FAT3: variants seen among roughly 807,000 people sequenced by gnomAD.
The protein encoded by FAT3 is FAT atypical cadherin 3.
Under a neutral mutation model 310.2 loss-of-function variants are expected in FAT3, and 95 were observed. That is an observed-to-expected ratio of 0.31 (90% CI 0.26 to 0.36). The LOEUF (loss-of-function observed/expected upper bound fraction) is 0.36. Ranked by LOEUF, FAT3 falls within the 10% of genes least tolerant of loss-of-function variation. FAT3 has a pLI of 1.00. For synonymous variants in FAT3, 2,314 were observed against 2,192.9 expected (o/e 1.06, Z -1.54); for missense variants, 5,408 against 5,715.6 (o/e 0.95, Z 1.74).
chr11:92,353,929 A>ATGAACT lies in FAT3; in HGVS notation c.1826_1831dup (p.Glu609_Leu610dup). ...ACAGCAGTCTCAGCGATCGATATCG[A>ATGAACT]TGAACTTGAACTTGTAAAGTACAAA... is the stretch of plus-strand genomic sequence containing the variant. On this transcript the variant is annotated inframe_insertion, in exon 2 of 28. Coordinates refer to ENST00000525166, the MANE Select transcript of FAT3 (RefSeq NM_001367949.2). 6.2e-7 allele frequency: 1 copy of ATGAACT among 1,611,774 alleles called. No individual in the cohort carries two copies. The highest frequency in any genetic ancestry group is 1.1e-5 in the South Asian group (1 of 91,062).
chr11:92,826,298 A>G (rs528926914), intron 13 of FAT3, among the ~76,000 whole-genome samples: 1 of 152,364 alleles, frequency 6.6e-6, no homozygotes, highest in Non-Finnish European at 1.5e-5. Flanking sequence ...TACAGTTTAA[A>G]TAAGAGCATG....
intron 3 of FAT3, among the ~76,000 whole-genome samples, chr11:92,687,428 C>G (rs1199659375): frequency 2.0e-5 from 3 of 152,172 alleles, no homozygotes; most frequent in Non-Finnish European, 4.4e-5. Flanking sequence ...CACAACTTCT[C>G]TGTCAGATTC....
At chr11:92,278,946 C>T (rs896099165) in intron 1 of FAT3, among the ~76,000 whole-genome samples, 7 of 152,018 alleles carry the variant, frequency 4.6e-5, no homozygotes, top group African/African-American at 1.7e-4. Context: ...GGCTTCTCCT[C>T]CTCTGGTGGT....
intron 22 of FAT3, among the ~76,000 whole-genome samples, chr11:92,870,810 G>A (rs1449058213): frequency 6.6e-6 from 1 of 152,158 alleles, no homozygotes; most frequent in South Asian, 2.1e-4. Context: ...AAGAGCTACC[G>A]CTTGTTAGAC....
intron 3 of FAT3, among the ~76,000 whole-genome samples, chr11:92,645,068 A>T (rs1791546): frequency 0.57 from 87,434 of 152,096 alleles, 26,874 homozygotes; most frequent in African/African-American, 0.8. Context: ...TGCATTTTAT[A>T]TACTTCAGTC....
intron 1 of FAT3, among the ~76,000 whole-genome samples, chr11:92,265,015 A>G (rs1945894267): frequency 6.6e-6 from 1 of 152,018 alleles, no homozygotes; most frequent in South Asian, 2.1e-4. Flanking sequence ...AGCACTCAGT[A>G]AAGGAAAAAA....
At chr11:92,740,264 C>T (rs1430127361) in intron 4 of FAT3, among the ~76,000 whole-genome samples, 1 of 152,154 alleles carries the variant, frequency 6.6e-6, no homozygotes, top group African/African-American at 2.4e-5. Context: ...GGCAAAAAGA[C>T]TATTTCTAGA....
At chr11:92,551,692 AC>A (rs1954829351) in intron 3 of FAT3, among the ~76,000 whole-genome samples, 1 of 152,130 alleles carries the variant, frequency 6.6e-6, no homozygotes, top group Non-Finnish European at 1.5e-5. Context: ...ACTTATTTTG[AC>A]AGTGAAATAT....
intron 2 of FAT3, among the ~76,000 whole-genome samples, chr11:92,404,727 C>T (rs1333097012): frequency 2.0e-5 from 3 of 151,896 alleles, no homozygotes; most frequent in Non-Finnish European, 4.4e-5. Context: ...TTCTGAATAG[C>T]ATTTGATTCA....
chr11:92,498,153 T>G (rs1952823192), intron 2 of FAT3: 1 of 155,068 alleles, frequency 6.4e-6, no homozygotes, highest in Admixed American at 6.5e-5. Context: ...TTTAAAAAGA[T>G]TTTTGGGCTG....
chr11:92,864,861 G>A (rs1468352799), intron 21 of FAT3, among the ~76,000 whole-genome samples: 11 of 152,140 alleles, frequency 7.2e-5, no homozygotes, highest in Admixed American at 6.6e-4. Context: ...AGCTCTCAGA[G>A]AACATAAACA....
chr11:92,762,549 A>G (rs16918025), intron 5 of FAT3, among the ~76,000 whole-genome samples: 5,614 of 152,236 alleles, frequency 0.037, 242 homozygotes, highest in East Asian at 0.21. Context: ...ATCTCTCAAC[A>G]TGTCCCCGAG....
chr11:92,816,196 C>G (rs12273267), intron 13 of FAT3, among the ~76,000 whole-genome samples: 3,334 of 152,260 alleles, frequency 0.022, 116 homozygotes, highest in African/African-American at 0.075. Flanking sequence ...GAGTGTTAGC[C>G]AGGACAGGCT....
intron 13 of FAT3, among the ~76,000 whole-genome samples, chr11:92,824,220 G>A (rs1948044954): frequency 6.6e-6 from 1 of 152,022 alleles, no homozygotes; most frequent in African/African-American, 2.4e-5. Flanking sequence ...AGCCGGGCAT[G>A]GTGGTGTGTG....
chr11:92,607,980 G>A (rs1940382296), intron 3 of FAT3, among the ~76,000 whole-genome samples: 1 of 151,796 alleles, frequency 6.6e-6, no homozygotes, highest in Non-Finnish European at 1.5e-5. Flanking sequence ...AGTAAATAGA[G>A]TACCTTCCAT....
chr11:92,648,954 C>T (rs1295950560), intron 3 of FAT3, among the ~76,000 whole-genome samples: 3 of 152,174 alleles, frequency 2.0e-5, no homozygotes, highest in African/African-American at 7.2e-5. Context: ...TCTCCTTCTG[C>T]TCTCCCTTCT....
chr11:92,555,160 T>C (rs1954975175), intron 3 of FAT3, among the ~76,000 whole-genome samples: 1 of 152,196 alleles, frequency 6.6e-6, no homozygotes, highest in Non-Finnish European at 1.5e-5. Flanking sequence ...TTGCAGGTAC[T>C]GCAAACCCAG....
At chr11:92,871,735 GAAAC>G (rs998295088) in intron 22 of FAT3, among the ~76,000 whole-genome samples, 1 of 152,004 alleles carries the variant, frequency 6.6e-6, no homozygotes, top group Non-Finnish European at 1.5e-5. Context: ...AAGTTAAGGG[GAAAC>G]AAACAAACAA....
intron 3 of FAT3, among the ~76,000 whole-genome samples, chr11:92,681,863 C>T (rs1451287595): frequency 6.6e-6 from 1 of 152,088 alleles, no homozygotes; most frequent in African/African-American, 2.4e-5. Context: ...GAGGGGGGCC[C>T]AAACTCACTG....
Sources: gnomAD v4.1 joint callset for allele counts (sites outside exome capture counted in the v4.1 genomes callset) on GRCh38, gnomAD v4.1.1 for gene constraint, MANE v1.5 for transcripts, NCBI Gene and HGNC (gene_info 2026-07-23, HGNC 2026-07-21) for gene names.